RASAL2: variants seen among roughly 807,000 people sequenced by gnomAD.
RASAL2 encodes ras GTPase-activating protein nGAP.
RASAL2 carries 58 observed loss-of-function variants against 128.9 expected under a neutral mutation model. The ratio of observed to expected loss-of-function variants is 0.45; its 90% CI spans 0.36 to 0.56. The LOEUF (loss-of-function observed/expected upper bound fraction) is 0.56. Among genes scored for constraint, RASAL2 ranks in the 20% least tolerant of loss-of-function variants. RASAL2 has a pLI of 0.00. For missense variants in RASAL2, 1,360 were observed against 1,601.6 expected (o/e 0.85, Z 2.57); for synonymous variants, 561 against 580.8 (o/e 0.97, Z 0.49).
At chr1:178,126,478 C>T (rs1487927324) in intron 1 of RASAL2, among the ~76,000 whole-genome samples, 2 of 152,210 alleles carry the variant, frequency 1.3e-5, no homozygotes, top group African/African-American at 2.4e-5. Flanking sequence ...GGGCTGTGCA[C>T]TGTGCATTTG....
chr1:178,154,206 G>A (rs1661005384), intron 1 of RASAL2, among the ~76,000 whole-genome samples: 1 of 151,588 alleles, frequency 6.6e-6, no homozygotes, highest in Admixed American at 6.6e-5. Context: ...TAGTACAGTG[G>A]CACCATCATG....
chr1:178,158,346 T>G (rs1204324759), intron 1 of RASAL2, among the ~76,000 whole-genome samples: 1 of 152,232 alleles, frequency 6.6e-6, no homozygotes, highest in Non-Finnish European at 1.5e-5. Context: ...AAGTCTTATT[T>G]ACCTAATTTG....
chr1:178,465,822 A>G, intron 15 of RASAL2, 98 bp from the exon 16 acceptor site: 1 of 1,148,854 alleles, frequency 8.7e-7, no homozygotes, highest in South Asian at 1.7e-5. Flanking sequence ...AAAAAAGAAA[A>G]AGAAAAAAAG....
chr1:178,401,581 T>C (rs1673631124), intron 4 of RASAL2, among the ~76,000 whole-genome samples: 1 of 152,170 alleles, frequency 6.6e-6, no homozygotes, highest in South Asian at 2.1e-4. Context: ...TTTCAGGCCG[T>C]AGTGCGGATG....
At chr1:178,199,690 T>A (rs1235804155) in intron 1 of RASAL2, among the ~76,000 whole-genome samples, 1 of 152,170 alleles carries the variant, frequency 6.6e-6, no homozygotes, top group Non-Finnish European at 1.5e-5. Context: ...TCTGTGTTTT[T>A]TTTTGGAGAC....
chr1:178,210,387 G>A (rs1016468988), intron 1 of RASAL2, among the ~76,000 whole-genome samples: 1 of 152,106 alleles, frequency 6.6e-6, no homozygotes, highest in African/African-American at 2.4e-5. Context: ...TTTCTTGTTA[G>A]TGCTTATGAT....
Position 178,390,135 on chromosome 1 carries a change from A to G in RASAL2, c.493A>G (p.Ile165Val). The G allele has an allele frequency of 6.2e-7, 1 of 1,612,794 alleles. No homozygotes were observed. Among genetic ancestry groups the G allele is most frequent in the South Asian group, 1.1e-5 (1 of 90,832 alleles). The change falls in exon 4 of 18, where the codon ATC (isoleucine) becomes GTC (valine). Residue 165 changes from isoleucine to valine, a missense_variant. Ile to Val is a conservative substitution (Grantham distance 29). Coordinates refer to ENST00000367649, the MANE Select transcript of RASAL2 (RefSeq NM_170692.4). Reference sequence around the variant, plus strand: ...AGAAAGGTCCCCTCGTAGACGGAGTATCTCAGGGACCAGTACATCAGAGAA... The same window carrying G: ...AGAAAGGTCCCCTCGTAGACGGAGTGTCTCAGGGACCAGTACATCAGAGAA... ...PAERSPRRRS[I>V]SGTSTSEKPN...
At chr1:178,151,701 T>C (rs74670826) in intron 1 of RASAL2, among the ~76,000 whole-genome samples, 5,789 of 152,264 alleles carry the variant, frequency 0.038, 373 homozygotes, top group African/African-American at 0.13. Context: ...CCCTTCCACA[T>C]TGAATTATAG....
chr1:178,318,922 C>T (rs191795486), intron 3 of RASAL2, among the ~76,000 whole-genome samples: 100 of 151,980 alleles, frequency 6.6e-4, no homozygotes, highest in Middle Eastern at 3.4e-3. Flanking sequence ...GATTTTGCAG[C>T]GGCTGGTACC....
At chr1:178,213,179 G>A (rs749425072) in intron 1 of RASAL2, among the ~76,000 whole-genome samples, 2 of 152,076 alleles carry the variant, frequency 1.3e-5, no homozygotes, top group Non-Finnish European at 2.9e-5. Context: ...GGGACTACAG[G>A]TGCATGCTAC....
At chr1:178,446,622 C>G (rs1212765214) in intron 9 of RASAL2, among the ~76,000 whole-genome samples, 1 of 152,100 alleles carries the variant, frequency 6.6e-6, no homozygotes. Context: ...TTCTAATGCT[C>G]AACAGCCACG....
At position 178,442,905 on chromosome 1, in the gene RASAL2, G is replaced by GA. The variant is rs771909008; in HGVS notation, c.1166dup (p.Asp390GlyfsTer4). 6.2e-7 allele frequency: 1 copy of GA among 1,611,278 alleles called. No individual in the cohort carries two copies. The highest frequency in any genetic ancestry group is 8.5e-7 in the Non-Finnish European group (1 of 1,179,206). On this transcript the variant is annotated frameshift_variant, in exon 8 of 18. Transcript: ENST00000367649. LOFTEE classifies it high-confidence loss of function. Reference sequence around the variant, plus strand: ...ACATTTACAAGGATGTGGAAAAAAAGAAAAAAAAGGACAAGAATAATTATG... The same window carrying GA: ...ACATTTACAAGGATGTGGAAAAAAAGAAAAAAAAAGGACAAGAATAATTATG...
intron 3 of RASAL2, among the ~76,000 whole-genome samples, chr1:178,307,406 A>G (rs1172695510): frequency 6.6e-6 from 1 of 152,190 alleles, no homozygotes; most frequent in Non-Finnish European, 1.5e-5. Context: ...CAGTATCCAG[A>G]TTTTAATTTA....
rs1217532706 is a variant in RASAL2 at position 178,475,617 on chromosome 1, G to T, written c.*2378G>T. On this transcript the variant is annotated 3_prime_UTR_variant, in exon 18 of 18. Coordinates refer to ENST00000367649, the MANE Select transcript of RASAL2 (RefSeq NM_170692.4). Reference sequence around the variant, plus strand: ...TAAGTGCCGATTATGGATTACAGAGGGCTGATAAAATTACTTATATTGGGA... The same window carrying T: ...TAAGTGCCGATTATGGATTACAGAGTGCTGATAAAATTACTTATATTGGGA... 6.6e-6 allele frequency: 1 copy of T among 152,082 alleles called. No homozygotes were observed. Among genetic ancestry groups the T allele is most frequent in the East Asian group, 1.9e-4 (1 of 5,196 alleles). 9.4% of individuals were successfully genotyped at this position (152,082 alleles called of 1,614,324 possible).
chr1:178,162,499 T>C (rs1376021643), intron 1 of RASAL2, among the ~76,000 whole-genome samples: 1 of 125,362 alleles, frequency 8.0e-6, no homozygotes, highest in Non-Finnish European at 1.6e-5. Flanking sequence ...TATATATATT[T>C]TATATTATAT....
chr1:178,431,809 A>T (rs1343373022), intron 5 of RASAL2, among the ~76,000 whole-genome samples: 1 of 151,222 alleles, frequency 6.6e-6, no homozygotes, highest in African/African-American at 2.4e-5. Flanking sequence ...GTATTGTACC[A>T]TCCCATTTAT....
At chr1:178,402,488 C>T (rs1295700115) in intron 4 of RASAL2, among the ~76,000 whole-genome samples, 1 of 151,636 alleles carries the variant, frequency 6.6e-6, no homozygotes, top group Admixed American at 6.6e-5. Context: ...AATGGAAAAA[C>T]TGTTTGCAGT....
intron 1 of RASAL2, among the ~76,000 whole-genome samples, chr1:178,127,850 G>T (rs1000832175): frequency 1.3e-5 from 2 of 151,980 alleles, no homozygotes; most frequent in Non-Finnish European, 2.9e-5. Context: ...TCTTTTTAAA[G>T]AATAGAAGTT....
chr1:178,341,472 G>A (rs1297858949), intron 3 of RASAL2: 12 of 1,535,714 alleles, frequency 7.8e-6, no homozygotes, highest in Middle Eastern at 3.5e-4. Flanking sequence ...TCTGAGGCAC[G>A]AAATGAGAGC....
Sources: allele counts gnomAD v4.1 joint callset (sites outside exome capture counted in the v4.1 genomes callset), GRCh38; gene constraint gnomAD v4.1.1; transcripts MANE v1.5; gene names NCBI Gene and HGNC (gene_info 2026-07-23, HGNC 2026-07-21).